LRP1B: variants seen among roughly 807,000 people sequenced by gnomAD.
LRP1B encodes low-density lipoprotein receptor-related protein 1B.
LRP1B carries 217 observed loss-of-function variants against 556.6 expected under a neutral mutation model. The observed-to-expected ratio is 0.39, with a 90% confidence interval of 0.35 to 0.44. The LOEUF (loss-of-function observed/expected upper bound fraction) is 0.44, where lower values mean the gene tolerates loss of function less well. Among genes scored for constraint, LRP1B ranks in the 20% least tolerant of loss-of-function variants. LRP1B has a pLI of 1.00. For missense variants in LRP1B, 5,053 were observed against 5,620.8 expected, an observed-to-expected ratio of 0.90 and a Z score of 3.23; for synonymous variants, 2,047 against 1,865.8, an observed-to-expected ratio of 1.10 and a Z score of -2.50.
At chr2:141,098,642 T>C (rs1439575133) in intron 7 of LRP1B, among the ~76,000 whole-genome samples, 1 of 151,818 alleles carries the variant, frequency 6.6e-6, no homozygotes, top group Admixed American at 6.6e-5. Flanking sequence ...TAGTATCATG[T>C]TCTCTTTATC....
intron 3 of LRP1B, among the ~76,000 whole-genome samples, chr2:141,434,602 GT>G (rs1489417476): frequency 6.6e-6 from 1 of 152,086 alleles, no homozygotes; most frequent in Non-Finnish European, 1.5e-5. Context: ...GTCAATGGCA[GT>G]TTTTGTTGCC....
rs570080156 is a variant in LRP1B at position 140,234,701 on chromosome 2, C to T, written c.13659+85G>A. 2.1e-4 allele frequency: 135 copies of T among 638,646 alleles called. No homozygotes were observed. In the African/African-American group the frequency reaches 2.3e-3, roughly 11 times the overall value. The allele number at this position is 638,646 out of a possible 1,614,324, so 39.6% of individuals were successfully genotyped here. ...TGTTAATTAAAAACTTAATTAAAAA[C>T]AAGCCTCTAAGTCTAGTAATTAGTC... is the stretch of plus-strand genomic sequence containing the variant. On this transcript the variant is annotated intron_variant, in intron 90 of 90. Coordinates refer to ENST00000389484, the MANE Select transcript of LRP1B (RefSeq NM_018557.3).
At chr2:141,153,039 C>T (rs1199120799) in intron 7 of LRP1B, among the ~76,000 whole-genome samples, 1 of 149,932 alleles carries the variant, frequency 6.7e-6, no homozygotes, top group African/African-American at 2.4e-5. Flanking sequence ...GAAATCTTAA[C>T]CATTCTTTAA....
intron 32 of LRP1B, among the ~76,000 whole-genome samples, chr2:140,799,034 T>A (rs1266823001): frequency 6.6e-6 from 1 of 152,154 alleles, no homozygotes; most frequent in African/African-American, 2.4e-5. Flanking sequence ...GGTTAAAAAA[T>A]ATATAATTAA....
chr2:141,628,034 A>G (rs1161256589), intron 2 of LRP1B, among the ~76,000 whole-genome samples: 9 of 152,216 alleles, frequency 5.9e-5, no homozygotes, highest in Non-Finnish European at 2.9e-5. Context: ...TACTTTGAAG[A>G]TTCAAAGATA....
At chr2:141,773,080 T>C (rs1178734831) in intron 2 of LRP1B, among the ~76,000 whole-genome samples, 1 of 152,238 alleles carries the variant, frequency 6.6e-6, no homozygotes, top group East Asian at 1.9e-4. Context: ...TTTCCCCAGA[T>C]AAATTTGTAT....
At chr2:141,485,437 C>A (rs1433032158) in intron 2 of LRP1B, among the ~76,000 whole-genome samples, 1 of 152,116 alleles carries the variant, frequency 6.6e-6, no homozygotes, top group African/African-American at 2.4e-5. Context: ...ATATTTCAGA[C>A]CTCTTTGACC....
intron 2 of LRP1B, among the ~76,000 whole-genome samples, chr2:141,725,297 A>G (rs1190287108): frequency 1.3e-5 from 2 of 151,948 alleles, no homozygotes; most frequent in African/African-American, 4.8e-5. Context: ...TTTCAAAAAT[A>G]AACTCGACTT....
chr2:140,776,823 T>A (rs1689516589), intron 32 of LRP1B, among the ~76,000 whole-genome samples: 1 of 152,300 alleles, frequency 6.6e-6, no homozygotes, highest in South Asian at 2.1e-4. Context: ...CGGTACCACC[T>A]ACTGAGTGTT....
intron 2 of LRP1B, among the ~76,000 whole-genome samples, chr2:141,737,702 A>C (rs1173606004): frequency 6.6e-6 from 1 of 152,140 alleles, no homozygotes; most frequent in Non-Finnish European, 1.5e-5. Flanking sequence ...TCACACTCAC[A>C]GAATAGTGGA....
intron 1 of LRP1B, among the ~76,000 whole-genome samples, chr2:141,911,495 T>G (rs1290784328): frequency 2.0e-5 from 3 of 152,178 alleles, no homozygotes; most frequent in Non-Finnish European, 1.5e-5. Flanking sequence ...AGTTCCAAAC[T>G]CAAATTCACA....
At chr2:140,513,179 T>A (rs1398589097) in intron 51 of LRP1B, among the ~76,000 whole-genome samples, 1 of 152,046 alleles carries the variant, frequency 6.6e-6, no homozygotes, top group Non-Finnish European at 1.5e-5. Flanking sequence ...TCTTTTTGTA[T>A]CCAATTAATA....
At chr2:141,227,809 A>T (rs1040105448) in intron 6 of LRP1B, among the ~76,000 whole-genome samples, 4 of 152,206 alleles carry the variant, frequency 2.6e-5, no homozygotes, top group Non-Finnish European at 4.4e-5. Flanking sequence ...TACCCAGTTC[A>T]TGTATATGAA....
intron 3 of LRP1B, among the ~76,000 whole-genome samples, chr2:141,478,280 T>A (rs929931798): frequency 6.6e-6 from 1 of 152,194 alleles, no homozygotes; most frequent in Non-Finnish European, 1.5e-5. Flanking sequence ...AGTATGTTTA[T>A]GATATTCAAA....
intron 35 of LRP1B, among the ~76,000 whole-genome samples, chr2:140,757,295 T>C (rs931354147): frequency 1.3e-5 from 2 of 152,338 alleles, no homozygotes; most frequent in South Asian, 4.1e-4. Flanking sequence ...AGTTCACTCC[T>C]AGGTATATAC....
intron 83 of LRP1B, among the ~76,000 whole-genome samples, chr2:140,303,220 T>C (rs1683918188): frequency 2.0e-5 from 3 of 151,220 alleles, no homozygotes; most frequent in Admixed American, 2.0e-4. Flanking sequence ...CACAAAGTCA[T>C]AAAAATAAAC....
chr2:141,531,330 A>C (rs1684864305), intron 2 of LRP1B, among the ~76,000 whole-genome samples: 1 of 152,126 alleles, frequency 6.6e-6, no homozygotes, highest in Admixed American at 6.6e-5. Flanking sequence ...CAAACCTGAA[A>C]GCCGTATGTC....
intron 35 of LRP1B, among the ~76,000 whole-genome samples, chr2:140,757,777 G>C (rs1688786513): frequency 6.6e-6 from 1 of 152,078 alleles, no homozygotes; most frequent in Non-Finnish European, 1.5e-5. Context: ...GCTACTTAGG[G>C]GGCTGAAGCA....
chr2:141,279,369 T>A (rs1325841090), intron 3 of LRP1B, among the ~76,000 whole-genome samples: 1 of 152,012 alleles, frequency 6.6e-6, no homozygotes, highest in African/African-American at 2.4e-5. Context: ...TTACAGTAAA[T>A]CCTTTTGGTT....
Sources: gnomAD v4.1 joint callset for allele counts (sites outside exome capture counted in the v4.1 genomes callset) on GRCh38, gnomAD v4.1.1 for gene constraint, MANE v1.5 for transcripts, NCBI Gene and HGNC (gene_info 2026-07-23, HGNC 2026-07-21) for gene names.